SPRYD7: variants seen among roughly 807,000 people sequenced by gnomAD.
The protein encoded by SPRYD7 is SPRY domain-containing protein 7.
SPRYD7 carries 14 observed loss-of-function variants against 23.8 expected under a neutral mutation model. The observed-to-expected ratio is 0.59, with a 90% CI of 0.39 to 0.92. The LOEUF (loss-of-function observed/expected upper bound fraction) is 0.92. SPRYD7 is among the 40% of genes least tolerant of loss of function. SPRYD7 has a pLI of 0.00. For missense variants in SPRYD7, 194 were observed against 241.7 expected (o/e 0.80, Z 1.31); for synonymous variants, 75 against 84.9 (o/e 0.88, Z 0.64).
intron 2 of SPRYD7, among the ~76,000 whole-genome samples, chr13:49,930,065 C>T (rs566851265): frequency 6.6e-6 from 1 of 152,128 alleles, no homozygotes; most frequent in Non-Finnish European, 1.5e-5. Flanking sequence ...GTTGGGATTA[C>T]AGGTGTGAGC....
intron 1 of SPRYD7, among the ~76,000 whole-genome samples, chr13:49,934,091 AT>A (rs1566409098): frequency 6.6e-6 from 1 of 151,868 alleles, no homozygotes. Context: ...GTTATTTAAT[AT>A]AATAATCTTT....
At chr13:49,916,004 G>A (rs1955747350) in intron 4 of SPRYD7, among the ~76,000 whole-genome samples, 1 of 152,184 alleles carries the variant, frequency 6.6e-6, no homozygotes, top group South Asian at 2.1e-4. Flanking sequence ...AATCTGTAGT[G>A]ACAGAAAGCA....
At chr13:49,927,767 C>T in intron 3 of SPRYD7, 152 bp downstream of exon 3, 1 of 746,884 alleles carries the variant, frequency 1.3e-6, no homozygotes, top group Non-Finnish European at 2.1e-6. Context: ...AACATCTACA[C>T]CAAGTGCTCT....
chr13:49,914,615 C>G lies in SPRYD7; in HGVS notation c.*448G>C, dbSNP rs1955731408. On this transcript the variant is annotated 3_prime_UTR_variant, in exon 5 of 5. Coordinates refer to ENST00000361840, the MANE Select transcript of SPRYD7 (RefSeq NM_020456.4). ...AATTGCCAGTAATATAAATTTCTCT[C>G]ACTTTGTTATATTGTATATAAAAAA... 6.6e-6 allele frequency: 1 copy of G among 152,568 alleles called. No homozygotes were observed. 9.5% of individuals were successfully genotyped at this position (152,568 alleles called of 1,614,324 possible).
In SPRYD7 at chr13:49,924,994, AAATAATAATAAT is replaced by A. The variant is rs201309392; in HGVS notation, c.390+2913_390+2924del. 1.5e-4 allele frequency among the ~76,000 whole-genome samples: 21 copies of A among 135,794 alleles called. No individual in the cohort carries two copies. In the East Asian group the frequency reaches 1.8e-3, roughly 11 times the overall value. 89.1% of individuals were successfully genotyped at this position (135,794 alleles called of 152,430 possible). A position where few individuals can be genotyped will look rare whatever the true frequency, so the allele number is the denominator to read the frequency against. ...TCCATCTCAAAAAAAAAAAATAAAT[AAATAATAATAAT>A]AATAATAATAATAATAATAATACCT... is the stretch of plus-strand genomic sequence containing the variant. On this transcript the variant is annotated intron_variant, in intron 3 of 4. Coordinates refer to ENST00000361840, the MANE Select transcript of SPRYD7 (RefSeq NM_020456.4).
In SPRYD7 at chr13:49,921,730, T is replaced by TA. The variant is rs34277408; in HGVS notation, c.391-151dup. 1.3e-3 allele frequency: 732 copies of TA among 576,466 alleles called. 3 individuals are homozygous for TA. The highest frequency in any genetic ancestry group is 6.4e-3 in the Middle Eastern group (24 of 3,752). 35.7% of individuals were successfully genotyped at this position (576,466 alleles called of 1,614,324 possible). A position where few individuals can be genotyped will look rare whatever the true frequency, so the allele number is the denominator to read the frequency against. ...TGGTAGAATCCTACTTGAACTGAGC[T>TA]AAAAAAATGAGTAGTGATTATGAGG... On this transcript the variant is annotated intron_variant, in intron 3 of 4. Transcript: ENST00000361840.
chr13:49,931,727 C>T (rs1299759868), intron 1 of SPRYD7, among the ~76,000 whole-genome samples: 3 of 151,804 alleles, frequency 2.0e-5, no homozygotes, highest in African/African-American at 2.4e-5. Context: ...GGTGGGCAGA[C>T]TGCTTGAGTG....
At chr13:49,924,051 C>T (rs1377164338) in intron 3 of SPRYD7, among the ~76,000 whole-genome samples, 1 of 150,714 alleles carries the variant, frequency 6.6e-6, no homozygotes. Flanking sequence ...GGCGCAATCT[C>T]GGCTCACTGC....
intron 3 of SPRYD7, among the ~76,000 whole-genome samples, chr13:49,924,927 G>C (rs1364272753): frequency 6.7e-6 from 1 of 148,596 alleles, no homozygotes; most frequent in Non-Finnish European, 1.5e-5. Flanking sequence ...AGTAAGCCGA[G>C]ACTGCATCAT....
chr13:49,921,970 A>C (rs927821434), intron 3 of SPRYD7, among the ~76,000 whole-genome samples: 1 of 152,186 alleles, frequency 6.6e-6, no homozygotes, highest in Non-Finnish European at 1.5e-5. Flanking sequence ...AGGAAAAACA[A>C]TGAGGTTTTT....
At chr13:49,935,479 C>T (rs1025547152) in intron 1 of SPRYD7, 1 of 152,140 alleles carries the variant, frequency 6.6e-6, no homozygotes, top group Non-Finnish European at 1.5e-5. Context: ...AAGCAAGATG[C>T]AAAGGAGCAA....
intron 3 of SPRYD7, among the ~76,000 whole-genome samples, chr13:49,923,402 C>G (rs1005866878): frequency 6.6e-5 from 10 of 152,082 alleles, no homozygotes; most frequent in Non-Finnish European, 8.8e-5. Context: ...CGCCACCATG[C>G]CTGGCTAATT....
At chr13:49,915,601 G>A (rs1955743455) in intron 4 of SPRYD7, among the ~76,000 whole-genome samples, 1 of 152,188 alleles carries the variant, frequency 6.6e-6, no homozygotes, top group Admixed American at 6.5e-5. Flanking sequence ...CATCTTACAT[G>A]ACTACAGCTC....
intron 3 of SPRYD7, among the ~76,000 whole-genome samples, chr13:49,922,659 ATAGCTACT>A: frequency 6.6e-6 from 1 of 152,126 alleles, no homozygotes; most frequent in East Asian, 1.9e-4. Flanking sequence ...ACTTTATACA[ATAGCTACT>A]AACTGATAAC....
In SPRYD7 at chr13:49,913,894, A is replaced by G. The variant is rs1955722654; in HGVS notation, c.*1169T>C. On this transcript the variant is annotated 3_prime_UTR_variant, in exon 5 of 5. Coordinates refer to ENST00000361840, the MANE Select transcript of SPRYD7 (RefSeq NM_020456.4). Reference sequence around the variant, plus strand: ...TTTAATCATAGAATCTTATGTCAGTATGATTGCTCCTTTTATAAATGGGAA... The same window carrying G: ...TTTAATCATAGAATCTTATGTCAGTGTGATTGCTCCTTTTATAAATGGGAA... The G allele has an allele frequency of 6.6e-6, 1 of 152,348 alleles. No individual in the cohort carries two copies. Among genetic ancestry groups the G allele is most frequent in the Admixed American group, 6.5e-5 (1 of 15,298 alleles). 9.4% of individuals were successfully genotyped at this position (152,348 alleles called of 1,614,324 possible).
At chr13:49,916,676 A>C (rs543254981) in intron 4 of SPRYD7, among the ~76,000 whole-genome samples, 2 of 152,282 alleles carry the variant, frequency 1.3e-5, no homozygotes, top group East Asian at 3.9e-4. Flanking sequence ...GTGGCCATCC[A>C]GGGAAGGGGA....
In SPRYD7 at chr13:49,928,099, A is replaced by G; in HGVS notation, c.224-14T>C. 1 of 1,608,966 alleles carries G rather than the reference A, an allele frequency of 6.2e-7. No individual in the cohort carries two copies. Among genetic ancestry groups the G allele is most frequent in the Non-Finnish European group, 8.5e-7 (1 of 1,177,734 alleles). ...TACCCCAGATTCCTAAAAATATAAC[A>G]GTTTAAATGCCCTCAAAATCTGAAG... On this transcript the variant is annotated splice_polypyrimidine_tract_variant and intron_variant, in intron 2 of 4. Transcript: ENST00000361840.
chr13:49,933,500 G>A (rs187035266), intron 1 of SPRYD7, among the ~76,000 whole-genome samples: 28 of 151,828 alleles, frequency 1.8e-4, no homozygotes, highest in African/African-American at 6.8e-4. Context: ...TACTCAGGAG[G>A]CTGAGACAGG....
intron 4 of SPRYD7, among the ~76,000 whole-genome samples, chr13:49,916,894 A>G (rs1044572525): frequency 6.6e-6 from 1 of 152,180 alleles, no homozygotes; most frequent in African/African-American, 2.4e-5. Context: ...GATGAGATGG[A>G]AAGAAGGCAG....
Sources: allele counts gnomAD v4.1 joint callset (sites outside exome capture counted in the v4.1 genomes callset), GRCh38; gene constraint gnomAD v4.1.1; transcripts MANE v1.5; gene names NCBI Gene and HGNC (gene_info 2026-07-23, HGNC 2026-07-21).